CLNS1A: variants seen among roughly 807,000 people sequenced by gnomAD.
CLNS1A encodes chloride nucleotide-sensitive channel 1A, also known as methylosome subunit pICln.
A neutral mutation model predicts 29.4 loss-of-function variants in CLNS1A; 16 were observed. The ratio of observed to expected loss-of-function variants is 0.54; its 90% CI spans 0.37 to 0.83. The LOEUF (loss-of-function observed/expected upper bound fraction) is 0.83. Among genes scored for constraint, CLNS1A ranks in the 40% least tolerant of loss-of-function variants. The pLI is 0.00. For synonymous variants in CLNS1A, 96 were observed against 104.8 expected (o/e 0.92, Z 0.51); for missense variants, 235 against 287.4 (o/e 0.82, Z 1.32).
At chr11:77,624,093 T>C (rs1289933767) in intron 4 of CLNS1A, among the ~76,000 whole-genome samples, 1 of 152,110 alleles carries the variant, frequency 6.6e-6, no homozygotes, top group African/African-American at 2.4e-5. Context: ...CAAAGCCCAG[T>C]CTTTATAAAA....
At chr11:77,631,324 CTT>C (rs768574905) in intron 1 of CLNS1A, among the ~76,000 whole-genome samples, 26 of 141,042 alleles carry the variant, frequency 1.8e-4, no homozygotes, top group Admixed American at 2.9e-4. Flanking sequence ...TAATTGTATA[CTT>C]TTTTTTTTTT....
chr11:77,623,624 T>C (rs552310047), intron 4 of CLNS1A, among the ~76,000 whole-genome samples: 20 of 150,806 alleles, frequency 1.3e-4, no homozygotes, highest in Admixed American at 1.3e-3. Context: ...TTCTGGAACA[T>C]ACAAAAAGGA....
At position 77,637,728 on chromosome 11, in the gene CLNS1A, G is replaced by C. The variant is rs1224641309; in HGVS notation, c.-14C>G. 2.6e-6 allele frequency: 4 copies of C among 1,552,442 alleles called. No homozygotes were observed. Among genetic ancestry groups the C allele is most frequent in the Non-Finnish European group, 3.5e-6 (4 of 1,147,476 alleles). On this transcript the variant is annotated 5_prime_UTR_variant, in exon 1 of 7. Coordinates refer to ENST00000525428, the MANE Select transcript of CLNS1A (RefSeq NM_001293.3). ...GAGGAAGCTCATAGCAGCAGAGTGC[G>C]GCAACACAGGCCCTGAGGGAGTTGG...
chr11:77,624,077 A>G (rs1958990706), intron 4 of CLNS1A, among the ~76,000 whole-genome samples: 1 of 152,204 alleles, frequency 6.6e-6, no homozygotes, highest in Non-Finnish European at 1.5e-5. Context: ...AGCTTGGGCA[A>G]TATGGCAAAG....
intron 6 of CLNS1A, among the ~76,000 whole-genome samples, chr11:77,619,082 T>G (rs1346002525): frequency 1.3e-5 from 2 of 152,222 alleles, no homozygotes; most frequent in South Asian, 2.1e-4. Context: ...TGGTTCTAGC[T>G]CTGTATGATA....
chr11:77,621,484 A>G (rs1466213411), intron 5 of CLNS1A, among the ~76,000 whole-genome samples: 1 of 152,094 alleles, frequency 6.6e-6, no homozygotes, highest in Non-Finnish European at 1.5e-5. Context: ...TCTCTACTAA[A>G]AATACAAAAA....
In CLNS1A at chr11:77,637,734, A is replaced by T. The variant is rs112119288; in HGVS notation, c.-20T>A. On this transcript the variant is annotated 5_prime_UTR_variant, in exon 1 of 7. Transcript: ENST00000525428. Reference sequence around the variant, plus strand: ...GCTCATAGCAGCAGAGTGCGGCAACACAGGCCCTGAGGGAGTTGGAGCACA... The same window carrying T: ...GCTCATAGCAGCAGAGTGCGGCAACTCAGGCCCTGAGGGAGTTGGAGCACA... 3,109 of 1,551,442 alleles carry T rather than the reference A, an allele frequency of 2.0e-3. 36 individuals carry two copies. In the African/African-American group the frequency reaches 0.03, roughly 15 times the overall value.
chr11:77,632,137 G>A (rs1416312450), intron 1 of CLNS1A, among the ~76,000 whole-genome samples: 1 of 152,214 alleles, frequency 6.6e-6, no homozygotes, highest in Non-Finnish European at 1.5e-5. Flanking sequence ...ATTGTATTAT[G>A]TAATGAGGTT....
In CLNS1A at chr11:77,637,255, A is replaced by AAAAAAAG. The variant is rs1219976827; in HGVS notation, c.125+334_125+335insCTTTTTT. Among the ~76,000 whole-genome samples the AAAAAAAG allele has an allele frequency of 1.9e-3, 281 of 145,798 alleles. 6 individuals carry two copies. The highest frequency in any genetic ancestry group is 6.9e-3 in the Middle Eastern group (2 of 290). On this transcript the variant is annotated intron_variant, in intron 1 of 6. Coordinates refer to ENST00000525428, the MANE Select transcript of CLNS1A (RefSeq NM_001293.3). ...TAAATAGGCGAGTTAAAAAAAAAAA[A>AAAAAAAG]AAAAGAAAATAAAAGAAAGAAAGAA...
chr11:77,637,627 TC>T lies in CLNS1A; in HGVS notation c.87del (p.Lys30ArgfsTer18), dbSNP rs1365372832. The T allele has an allele frequency of 4.4e-6, 7 of 1,594,466 alleles. No individual in the cohort carries two copies. On this transcript the variant is annotated frameshift_variant, in exon 1 of 7. Coordinates refer to ENST00000525428, the MANE Select transcript of CLNS1A (RefSeq NM_001293.3). LOFTEE classifies it high-confidence loss of function. ...QQPDTEAVLN[G>X]KGLGTGTLYI... ...TAAAGGGTACCAGTGCCGAGGCCCT[TC>T]CCGTTCAGCACAGCCTCAGTGTCTG...
chr11:77,637,729 G>A lies in CLNS1A; in HGVS notation c.-15C>T. ...AGGAAGCTCATAGCAGCAGAGTGCGGCAACACAGGCCCTGAGGGAGTTGGA... is the reference window on the plus strand; with the variant it reads ...AGGAAGCTCATAGCAGCAGAGTGCGACAACACAGGCCCTGAGGGAGTTGGA... On this transcript the variant is annotated 5_prime_UTR_variant, in exon 1 of 7. Coordinates refer to ENST00000525428, the MANE Select transcript of CLNS1A (RefSeq NM_001293.3). The A allele has an allele frequency of 1.3e-6, 2 of 1,552,422 alleles. No individual in the cohort carries two copies. Among genetic ancestry groups the A allele is most frequent in the South Asian group, 2.4e-5 (2 of 83,970 alleles).
In CLNS1A at chr11:77,621,294, A is replaced by AAC. The variant is rs71854653; in HGVS notation, c.646+1204_646+1205dup. Among the ~76,000 whole-genome samples, 370 of 149,532 alleles carry AAC rather than the reference A, an allele frequency of 2.5e-3. 1 individual carries two copies. Among genetic ancestry groups the AAC allele is most frequent in the Middle Eastern group, 0.024 (7 of 292 alleles). On this transcript the variant is annotated intron_variant, in intron 5 of 6. Transcript: ENST00000525428. ...GACGACAGAGCAAGACTCTGTCTCA[A>AAC]ACACACACACACACACACACACACA...
At chr11:77,629,399 C>CT (rs779725502) in intron 2 of CLNS1A, among the ~76,000 whole-genome samples, 90 of 142,046 alleles carry the variant, frequency 6.3e-4, no homozygotes, top group East Asian at 1.4e-3. Context: ...TCTTTTTTTT[C>CT]TTTTTTTTTT....
intron 1 of CLNS1A, among the ~76,000 whole-genome samples, chr11:77,631,984 A>G (rs777387421): frequency 6.6e-6 from 1 of 151,758 alleles, no homozygotes; most frequent in Non-Finnish European, 1.5e-5. Context: ...GTGATCTGCC[A>G]CCTCGGCCTC....
At chr11:77,619,844 G>C in intron 5 of CLNS1A, 149 bp from the exon 6 acceptor site, 1 of 638,228 alleles carries the variant, frequency 1.6e-6, no homozygotes, top group Non-Finnish European at 2.8e-6. Flanking sequence ...GGGACAAACT[G>C]AGAAAGAAAA....
rs1405603583 is a variant in CLNS1A at position 77,626,557 on chromosome 11, T to A, written c.263-739A>T. Among the ~76,000 whole-genome samples, 3 of 151,906 alleles carry A rather than the reference T, an allele frequency of 2.0e-5. No homozygotes were observed. The East Asian group carries it at 5.9e-4, about 30-fold the overall frequency. ...AGGAGGTTGAGGCAGGAGAATCATTTGAACCTGGGAGGTGGAGGTTGCAGT... is the reference window on the plus strand; with the variant it reads ...AGGAGGTTGAGGCAGGAGAATCATTAGAACCTGGGAGGTGGAGGTTGCAGT... On this transcript the variant is annotated intron_variant, in intron 2 of 6. Coordinates refer to ENST00000525428, the MANE Select transcript of CLNS1A (RefSeq NM_001293.3).
At chr11:77,623,080 T>C (rs955620713) in intron 4 of CLNS1A, among the ~76,000 whole-genome samples, 1 of 151,884 alleles carries the variant, frequency 6.6e-6, no homozygotes, top group Non-Finnish European at 1.5e-5. Context: ...AAAGAAGATG[T>C]ACCTACTCTC....
rs1455929852 is a variant in CLNS1A at position 77,616,058 on chromosome 11, CAA to C, written c.*658_*659del. 3 of 152,070 alleles carry C rather than the reference CAA, an allele frequency of 2.0e-5. No homozygotes were observed. Among genetic ancestry groups the C allele is most frequent in the Admixed American group, 2.0e-4 (3 of 15,260 alleles). 9.4% of individuals were successfully genotyped at this position (152,070 alleles called of 1,614,324 possible). A position where few individuals can be genotyped will look rare whatever the true frequency, so the allele number is the denominator to read the frequency against. ...CATGTTCATCTTCTCAACAAGTAAA[CAA>C]AAATAAAGCCAACAAAATTCTCATA... On this transcript the variant is annotated 3_prime_UTR_variant, in exon 7 of 7. Transcript: ENST00000525428.
intron 1 of CLNS1A, among the ~76,000 whole-genome samples, chr11:77,637,255 A>AAAAAAAAAAAAAAG (rs1219976827): frequency 3.4e-5 from 5 of 145,720 alleles, no homozygotes; most frequent in African/African-American, 1.3e-4. Context: ...AAAAAAAAAA[A>AAAAAAAAAAAAAAG]AAAAGAAAAT....
Sources: gnomAD v4.1 joint callset for allele counts (sites outside exome capture counted in the v4.1 genomes callset) on GRCh38, gnomAD v4.1.1 for gene constraint, MANE v1.5 for transcripts, NCBI Gene and HGNC (gene_info 2026-07-23, HGNC 2026-07-21) for gene names.